The following RALGPS2 variants were observed in gnomAD, a reference collection of about 807,000 sequenced individuals.
RALGPS2 encodes the protein ras-specific guanine nucleotide-releasing factor RalGPS2.
Under a neutral mutation model 86.8 loss-of-function variants are expected in RALGPS2, and 43 were observed. That is an observed-to-expected ratio of 0.50 (90% CI 0.39 to 0.64). RALGPS2 has a LOEUF of 0.64. RALGPS2 is among the 30% of genes least tolerant of loss of function. The pLI, the probability that RALGPS2 is intolerant of heterozygous loss-of-function variation, is 0.00. For missense variants in RALGPS2, 536 were observed against 694.6 expected, an observed-to-expected ratio of 0.77 and a Z score of 2.57; for synonymous variants, 243 against 231.3, an observed-to-expected ratio of 1.05 and a Z score of -0.46.
At chr1:178,843,599 C>G (rs1656713164) in intron 8 of RALGPS2, among the ~76,000 whole-genome samples, 1 of 141,996 alleles carries the variant, frequency 7.0e-6, no homozygotes, top group South Asian at 2.3e-4. Flanking sequence ...CGCATGTATA[C>G]ATATGTAACA....
At chr1:178,833,225 ATATCT>A (rs1359223818) in intron 7 of RALGPS2, among the ~76,000 whole-genome samples, 194 bp from the exon 8 acceptor site, 1 of 152,086 alleles carries the variant, frequency 6.6e-6, no homozygotes, top group East Asian at 1.9e-4. Flanking sequence ...CATACAAAGG[ATATCT>A]TATAAATAAT....
intron 16 of RALGPS2, among the ~76,000 whole-genome samples, chr1:178,894,613 C>G (rs1373048640): frequency 6.6e-6 from 1 of 152,040 alleles, no homozygotes; most frequent in African/African-American, 2.4e-5. Context: ...TTACTCAGAA[C>G]AACACATGAT....
intron 1 of RALGPS2, among the ~76,000 whole-genome samples, chr1:178,736,823 G>A (rs535185607): frequency 6.6e-6 from 1 of 152,078 alleles, no homozygotes; most frequent in South Asian, 2.1e-4. Flanking sequence ...ATTGGAGTCC[G>A]GGAGGTCAAG....
intron 6 of RALGPS2, among the ~76,000 whole-genome samples, chr1:178,817,611 A>G (rs1401450982): frequency 6.6e-6 from 1 of 151,786 alleles, no homozygotes; most frequent in East Asian, 1.9e-4. Flanking sequence ...TCTCCATTTT[A>G]TATCTGTGGA....
chr1:178,844,862 C>A (rs2102276427), intron 8 of RALGPS2, among the ~76,000 whole-genome samples: 1 of 152,202 alleles, frequency 6.6e-6, no homozygotes, highest in South Asian at 2.1e-4. Context: ...TTATGTACTA[C>A]AAAGATGCAG....
intron 6 of RALGPS2, among the ~76,000 whole-genome samples, chr1:178,820,594 A>T (rs1343300905): frequency 6.6e-6 from 1 of 152,164 alleles, no homozygotes; most frequent in Non-Finnish European, 1.5e-5. Flanking sequence ...TATTTATATA[A>T]CCCTATATAT....
intron 13 of RALGPS2, among the ~76,000 whole-genome samples, chr1:178,888,739 A>G (rs1659595098): frequency 6.6e-6 from 1 of 152,106 alleles, no homozygotes; most frequent in Non-Finnish European, 1.5e-5. Flanking sequence ...TGCCATTGCA[A>G]ACCCGTAGAA....
chr1:178,804,523 C>T (rs1368834444), intron 4 of RALGPS2, among the ~76,000 whole-genome samples: 23 of 138,334 alleles, frequency 1.7e-4, no homozygotes, highest in East Asian at 4.3e-4. Context: ...TGAGAATATG[C>T]GGTGTTTGGT....
chr1:178,868,123 T>G (rs755205089), intron 8 of RALGPS2, among the ~76,000 whole-genome samples: 4 of 152,018 alleles, frequency 2.6e-5, no homozygotes, highest in Non-Finnish European at 5.9e-5. Flanking sequence ...TTTTAGCTTT[T>G]TATGTTTTCA....
At chr1:178,807,207 A>G (rs1282955768) in intron 4 of RALGPS2, among the ~76,000 whole-genome samples, 1 of 152,102 alleles carries the variant, frequency 6.6e-6, no homozygotes, top group African/African-American at 2.4e-5. Context: ...GTGGTGGTAC[A>G]CACCTGTAGC....
chr1:178,833,697 A>T, intron 8 of RALGPS2, 147 bp downstream of exon 8: 1 of 1,328,760 alleles, frequency 7.5e-7, no homozygotes, highest in Non-Finnish European at 9.7e-7. Context: ...ATGACTAAAG[A>T]TAGTTGTTAC....
intron 1 of RALGPS2, among the ~76,000 whole-genome samples, chr1:178,752,393 G>C (rs1651732663): frequency 6.6e-6 from 1 of 151,232 alleles, no homozygotes. Flanking sequence ...CAAACTCCTG[G>C]GCTCAAGTGG....
intron 8 of RALGPS2, among the ~76,000 whole-genome samples, chr1:178,838,449 C>A (rs1656397131): frequency 1.3e-5 from 2 of 152,214 alleles, no homozygotes; most frequent in African/African-American, 2.4e-5. Context: ...TCCAACAGAC[C>A]TGCAGCTGCG....
chr1:178,818,890 G>A (rs1655359910), intron 6 of RALGPS2, among the ~76,000 whole-genome samples: 1 of 151,360 alleles, frequency 6.6e-6, no homozygotes, highest in Non-Finnish European at 1.5e-5. Flanking sequence ...TATCTGTTTT[G>A]TTTTCTTGCC....
At chr1:178,751,658 CCTT>C (rs898350621) in intron 1 of RALGPS2, among the ~76,000 whole-genome samples, 5 of 152,024 alleles carry the variant, frequency 3.3e-5, no homozygotes, top group African/African-American at 1.2e-4. Context: ...CAGGAAATTC[CCTT>C]CTTCTGGTCA....
chr1:178,764,411 A>C (rs1001265992), intron 1 of RALGPS2, among the ~76,000 whole-genome samples: 1 of 152,100 alleles, frequency 6.6e-6, no homozygotes, highest in African/African-American at 2.4e-5. Context: ...TCTTGCTTCT[A>C]TATCCAGTTT....
intron 8 of RALGPS2, among the ~76,000 whole-genome samples, chr1:178,866,373 C>G (rs1376354691): frequency 6.6e-6 from 1 of 152,126 alleles, no homozygotes; most frequent in Non-Finnish European, 1.5e-5. Context: ...TTAGGGAAAT[C>G]TAAACCCAGA....
At position 178,840,358 on chromosome 1, in the gene RALGPS2, C is replaced by T. The variant is rs549868833; in HGVS notation, c.607+6808C>T. The stretch of plus-strand genomic sequence containing the variant: ...CAGGATTAAGAAACTCACTCAAAAT[C>T]GCTCAACTACATGGAAACTGAACAA... On this transcript the variant is annotated intron_variant, in intron 8 of 19. Transcript: ENST00000367635. 2.3e-4 allele frequency among the ~76,000 whole-genome samples: 35 copies of T among 152,282 alleles called. No individual in the cohort carries two copies. The East Asian group carries it at 4.4e-3, about 19-fold the overall frequency.
intron 1 of RALGPS2, among the ~76,000 whole-genome samples, chr1:178,731,272 GTTTTTTTTTTT>G (rs57628726): frequency 5.2e-5 from 3 of 57,968 alleles, no homozygotes; most frequent in South Asian, 9.5e-4. Flanking sequence ...AGTTGTTTTG[GTTTTTTTTTTT>G]TTTTTTTTTT....
Sources: allele counts gnomAD v4.1 joint callset (sites outside exome capture counted in the v4.1 genomes callset), GRCh38; gene constraint gnomAD v4.1.1; transcripts MANE v1.5; gene names NCBI Gene and HGNC (gene_info 2026-07-23, HGNC 2026-07-21).